ESRRA: variants seen among roughly 807,000 people sequenced by gnomAD.
ESRRA encodes steroid hormone receptor ERR1.
Under a neutral mutation model 35.6 loss-of-function variants are expected in ESRRA, and 7 were observed. The observed-to-expected ratio is 0.20, with a 90% CI of 0.11 to 0.37. ESRRA has a LOEUF of 0.37. ESRRA is among the 10% of genes least tolerant of loss of function. The pLI, the probability that ESRRA is intolerant of heterozygous loss-of-function variation, is 1.00. For synonymous variants in ESRRA, 223 were observed against 246.9 expected (o/e 0.90, Z 0.91); for missense variants, 378 against 561.7 (o/e 0.67, Z 3.31).
intron 2 of ESRRA, among the ~76,000 whole-genome samples, chr11:64,308,259 A>G (rs1297766359): frequency 2.0e-5 from 3 of 152,192 alleles, no homozygotes; most frequent in African/African-American, 7.2e-5. Context: ...TCACACCTGT[A>G]ATCCCAGCAC....
chr11:64,314,598 C>G, intron 4 of ESRRA, 143 bp from the exon 5 acceptor site: 1 of 941,958 alleles, frequency 1.1e-6, no homozygotes, highest in Non-Finnish European at 1.6e-6. Flanking sequence ...CCCTGGGAGA[C>G]AGTTAGCGCT....
chr11:64,315,682 A>G, intron 6 of ESRRA, 25 bp from the exon 7 acceptor site: 1 of 1,611,914 alleles, frequency 6.2e-7, no homozygotes, highest in East Asian at 2.2e-5. Flanking sequence ...GCCCAGGCCA[A>G]CACCACATTC....
In ESRRA at chr11:64,307,294, C is replaced by A; in HGVS notation, c.115C>A (p.Pro39Thr). ...GACCGAGCCTCCTGTGGCCCTGGCC[C>A]CTGGTCCAGCTCCCACTCGCTGCCT... ...TETEPPVALA[P>T]GPAPTRCLPG... The change falls in exon 2 of 7, where the codon CCT becomes ACT. Residue 39 changes from proline (P) to threonine (T), a missense_variant. By Grantham distance (38) the Pro-to-Thr change is conservative (BLOSUM62 -1). This residue lies in a region of ESRRA where 87 missense variants were observed against 92.6 expected (regional missense o/e 0.94). Transcript: ENST00000000442. The A allele has an allele frequency of 6.2e-7, 1 of 1,613,372 alleles. No individual in the cohort carries two copies. The highest frequency in any genetic ancestry group is 8.5e-7 in the Non-Finnish European group (1 of 1,179,886).
At position 64,313,074 on chromosome 11, in the gene ESRRA, G is replaced by GA. The variant is rs1227716039; in HGVS notation, c.326-876dup. ...TGGCTGCTGAGTCGAGAACAGACTG[G>GA]AGCAAGCAGGGACAGCCAAGCGAGG... is the stretch of plus-strand genomic sequence containing the variant. On this transcript the variant is annotated intron_variant, in intron 2 of 6. Transcript: ENST00000000442. The surrounding 1 kb of genome is among the most constrained non-coding windows in gnomAD (Gnocchi z 4.0). Among the ~76,000 whole-genome samples the GA allele has an allele frequency of 6.6e-6, 1 of 152,114 alleles. No individual in the cohort carries two copies. The highest frequency in any genetic ancestry group is 1.5e-5 in the Non-Finnish European group (1 of 68,038).
rs370016729 is a variant in ESRRA at position 64,315,687 on chromosome 11, A to G, written c.1013-20A>G. 2.0e-5 allele frequency: 33 copies of G among 1,612,614 alleles called. No individual in the cohort carries two copies. Among genetic ancestry groups the G allele is most frequent in the Non-Finnish European group, 2.5e-5 (29 of 1,179,062 alleles). On this transcript the variant is annotated intron_variant, in intron 6 of 6. Transcript: ENST00000000442. ...GCCAGAGATAGCCCAGGCCAACACC[A>G]CATTCCTCTCTTCTTGCAGACTCTG... is the stretch of plus-strand genomic sequence containing the variant.
In ESRRA at chr11:64,315,850, C is replaced by T; in HGVS notation, c.1156C>T (p.Pro386Ser). 6.2e-7 allele frequency: 1 copy of T among 1,611,148 alleles called. No individual in the cohort carries two copies. Reference sequence around the variant, plus strand: ...GGCGGGCAGGCTGCTGCTCACGCTACCGCTCCTCCGCCAGACAGCGGGCAA... The same window carrying T: ...GGCGGGCAGGCTGCTGCTCACGCTATCGCTCCTCCGCCAGACAGCGGGCAA... ...RRAGRLLLTL[P>S]LLRQTAGKVL... The change falls in exon 7 of 7, where the codon CCG (proline) becomes TCG (serine). Residue 386 changes from proline to serine, a missense_variant. Physicochemically the swap from Pro to Ser is moderately conservative, Grantham distance 74. Around this residue, in one of 4 missense-constraint regions of ESRRA, gnomAD observed 284 missense variants for 411.7 expected, o/e 0.69. Transcript: ENST00000000442.
rs890480791 is a variant in ESRRA at position 64,305,921 on chromosome 11, C to T, written c.-13+185C>T. On this transcript the variant is annotated intron_variant, in intron 1 of 6. Transcript: ENST00000000442. The surrounding 1 kb of genome is among the most constrained non-coding windows in gnomAD (Gnocchi z 5.8). The stretch of plus-strand genomic sequence containing the variant: ...TCAGGGTTCAGGCGGGATCCGGCGT[C>T]CGAGTCCTGGTGGGCCGGCCTGGGG... 9.2e-5 allele frequency among the ~76,000 whole-genome samples: 14 copies of T among 152,074 alleles called. No homozygotes were observed. Among genetic ancestry groups the T allele is most frequent in the Non-Finnish European group, 1.6e-4 (11 of 67,996 alleles).
intron 2 of ESRRA, among the ~76,000 whole-genome samples, chr11:64,309,798 G>A (rs2035104820): frequency 2.6e-5 from 4 of 151,880 alleles, no homozygotes; most frequent in Middle Eastern, 6.8e-3. Flanking sequence ...CAGGTGTCGT[G>A]GTGGGTGCCT....
chr11:64,314,437 C>T (rs771397223), intron 4 of ESRRA, 70 bp downstream of exon 4: 50 of 1,444,764 alleles, frequency 3.5e-5, no homozygotes, highest in Non-Finnish European at 4.4e-5. Flanking sequence ...TTACCTTGGG[C>T]ACTGGGACCT....
At chr11:64,314,567 G>T (rs1299929399) in intron 4 of ESRRA, among the ~76,000 whole-genome samples, 174 bp from the exon 5 acceptor site, 3 of 152,188 alleles carry the variant, frequency 2.0e-5, no homozygotes, top group African/African-American at 7.2e-5. Context: ...CTCACAGCCT[G>T]TCCACAAACA....
rs776907055 is a variant in ESRRA, at chr11:64,315,715, C to G, written c.1021C>G (p.His341Asp). The G allele has an allele frequency of 6.2e-7, 1 of 1,613,920 alleles. No homozygotes were observed. Among genetic ancestry groups the G allele is most frequent in the Non-Finnish European group, 8.5e-7 (1 of 1,179,814 alleles). The change falls in exon 7 of 7, where the codon CAC becomes GAC. Residue 341 changes from histidine (H) to aspartate (D), a missense_variant. By Grantham distance (81) the His-to-Asp change is moderately conservative. Around this residue, in one of 4 missense-constraint regions of ESRRA, gnomAD observed 284 missense variants for 411.7 expected, o/e 0.69. Transcript: ENST00000000442. ...TTCCTCTCTTCTTGCAGACTCTGTG[C>G]ACATCGAAGATGCCGAGGCTGTGGA... ...ALALANSDSV[H>D]IEDAEAVEQL...
Position 64,316,126 on chromosome 11 carries a change from C to A in ESRRA, c.*160C>A. On this transcript the variant is annotated 3_prime_UTR_variant, in exon 7 of 7. Coordinates refer to ENST00000000442, the MANE Select transcript of ESRRA (RefSeq NM_004451.5). ...GGGAACAGGCCCCACGCCCTCTCCT[C>A]CCCCTCCTAGGGGGTGTCAGAAGCT... 1 of 828,124 alleles carries A rather than the reference C, an allele frequency of 1.2e-6. No individual in the cohort carries two copies. Among genetic ancestry groups the A allele is most frequent in the South Asian group, 1.9e-5 (1 of 53,554 alleles). 51.3% of individuals were successfully genotyped at this position (828,124 alleles called of 1,614,324 possible).
At chr11:64,309,003 C>T (rs1299652965) in intron 2 of ESRRA, among the ~76,000 whole-genome samples, 1 of 151,322 alleles carries the variant, frequency 6.6e-6, no homozygotes. Context: ...TCATCCCACT[C>T]AAGAGGCTGA....
At chr11:64,310,045 A>G (rs946927261) in intron 2 of ESRRA, among the ~76,000 whole-genome samples, 1 of 152,142 alleles carries the variant, frequency 6.6e-6, no homozygotes, top group African/African-American at 2.4e-5. Context: ...GTACTGTTAT[A>G]ACTGAAACTA....
At chr11:64,307,116 CCCAT>C in intron 1 of ESRRA, 48 bp from the exon 2 acceptor site, 1 of 1,444,664 alleles carries the variant, frequency 6.9e-7, no homozygotes, top group Non-Finnish European at 9.3e-7. Flanking sequence ...CAGGGTGTCT[CCCAT>C]CCCCCATACC....
intron 2 of ESRRA, among the ~76,000 whole-genome samples, chr11:64,311,323 CT>C (rs2035135028): frequency 6.6e-6 from 1 of 152,126 alleles, no homozygotes; most frequent in Admixed American, 6.5e-5. Flanking sequence ...GAGGGGAGAG[CT>C]GGGCAACAGT....
At chr11:64,314,122 G>C (rs1273647719) in intron 3 of ESRRA, 55 bp downstream of exon 3, 11 of 1,552,550 alleles carry the variant, frequency 7.1e-6, no homozygotes, top group Non-Finnish European at 9.6e-6. Context: ...ACCCGGGCCA[G>C]GTGGGGGTGA....
intron 4 of ESRRA, 91 bp from the exon 5 acceptor site, chr11:64,314,650 G>A (rs1364791383): frequency 1.1e-5 from 14 of 1,290,790 alleles, no homozygotes; most frequent in Non-Finnish European, 1.3e-5. Flanking sequence ...TACTGAGGAA[G>A]GCCACAGGGG....
chr11:64,309,152 C>T (rs997063800), intron 2 of ESRRA, among the ~76,000 whole-genome samples: 5 of 148,712 alleles, frequency 3.4e-5, no homozygotes, highest in African/African-American at 9.9e-5. Context: ...AACCCAAAAA[C>T]GCTGGGCTTG....
Sources: allele counts gnomAD v4.1 joint callset (sites outside exome capture counted in the v4.1 genomes callset), GRCh38; gene constraint gnomAD v4.1.1; regional missense constraint gnomAD v4.1.1; non-coding constraint Gnocchi (gnomAD v3.1); transcripts MANE v1.5; gene names NCBI Gene and HGNC (gene_info 2026-07-23, HGNC 2026-07-21).